The following ZNF236 variants were observed in gnomAD, a reference collection of about 807,000 sequenced individuals.
ZNF236 encodes zinc finger protein 236.
ZNF236 carries 50 observed loss-of-function variants against 191.2 expected under a neutral mutation model. That is an observed-to-expected ratio of 0.26 (90% confidence interval 0.21 to 0.33). ZNF236 has a LOEUF of 0.33. ZNF236 is among the 10% of genes least tolerant of loss of function. The probability of loss-of-function intolerance (pLI) is 1.00; values close to 1 mark genes in which losing one functional copy is unlikely to be tolerated. For missense variants in ZNF236, 1,754 were observed against 2,374.5 expected, an observed-to-expected ratio of 0.74 and a Z score of 5.43; for synonymous variants, 907 against 928.8, an observed-to-expected ratio of 0.98 and a Z score of 0.43.
intron 1 of ZNF236, among the ~76,000 whole-genome samples, chr18:76,830,093 TCTC>T (rs1975125255): frequency 6.6e-6 from 1 of 151,922 alleles, no homozygotes; most frequent in South Asian, 2.1e-4. Context: ...CTGGTCTTGA[TCTC>T]CTGACCTTGT....
chr18:76,849,231 G>C (rs768228605), intron 1 of ZNF236: 5 of 266,870 alleles, frequency 1.9e-5, no homozygotes, highest in Non-Finnish European at 3.5e-5. Context: ...TATGGCTTTT[G>C]TGTGTTTTGG....
chr18:76,850,851 G>C (rs112356160), intron 2 of ZNF236, among the ~76,000 whole-genome samples: 6,786 of 151,780 alleles, frequency 0.045, 454 homozygotes, highest in African/African-American at 0.15. Context: ...TGATCCGCCT[G>C]CCTCAGCCTC....
intron 3 of ZNF236, among the ~76,000 whole-genome samples, chr18:76,860,873 T>C (rs560380828): frequency 2.0e-5 from 3 of 152,318 alleles, no homozygotes; most frequent in African/African-American, 7.2e-5. Context: ...CAGCAGGCTG[T>C]CTTTGATTAA....
At chr18:76,849,833 C>T (rs1413277977) in intron 2 of ZNF236, among the ~76,000 whole-genome samples, 165 bp downstream of exon 2, 1 of 152,088 alleles carries the variant, frequency 6.6e-6, no homozygotes, top group African/African-American at 2.4e-5. Context: ...TAGTTGTATT[C>T]CTAGCTATTA....
chr18:76,882,259 A>T (rs1039240645), intron 9 of ZNF236, among the ~76,000 whole-genome samples: 15 of 152,276 alleles, frequency 9.9e-5, no homozygotes, highest in Non-Finnish European at 2.2e-4. Flanking sequence ...GTGCTCCGTC[A>T]TTCAAGCATC....
At chr18:76,891,742 G>A (rs1382564320) in intron 9 of ZNF236, among the ~76,000 whole-genome samples, 1 of 151,032 alleles carries the variant, frequency 6.6e-6, no homozygotes, top group Non-Finnish European at 1.5e-5. Context: ...CCACCCAGAT[G>A]TGCAAACATC....
chr18:76,847,617 C>A (rs1430540685), intron 1 of ZNF236, among the ~76,000 whole-genome samples: 1 of 152,162 alleles, frequency 6.6e-6, no homozygotes, highest in Admixed American at 6.5e-5. Flanking sequence ...AGGCGCCCAC[C>A]ACCACGCCCG....
rs1368065135 is a variant in ZNF236, at chr18:76,925,540, C to G, written c.4013C>G (p.Pro1338Arg). ...QPGLVGQAIL[P>R]ASVSAGGDLT... is the part of the protein sequence containing the mutation. The stretch of plus-strand genomic sequence containing the variant: ...GGACTGGTGGGCCAAGCTATTCTCC[C>G]TGCCTCTGTGTCAGGTAAACGCTGA... The change falls in exon 22 of 31, where the codon CCT becomes CGT. Residue 1338 changes from proline to arginine, a missense_variant. Pro to Arg is a moderately radical substitution (Grantham distance 103). Coordinates refer to ENST00000320610, the MANE Select transcript of ZNF236 (RefSeq NM_001306089.2). This position sits in a 1 kb window ranked among gnomAD's most constrained non-coding sequence, Gnocchi z 5.7. 6.2e-7 allele frequency: 1 copy of G among 1,612,886 alleles called. No individual in the cohort carries two copies.
chr18:76,893,592 C>G (rs917884966), intron 9 of ZNF236, among the ~76,000 whole-genome samples: 1 of 152,196 alleles, frequency 6.6e-6, no homozygotes, highest in Admixed American at 6.5e-5. Context: ...ACTGCAACTC[C>G]TATGTCCTGG....
At chr18:76,966,781 T>C (rs1047069443) in intron 30 of ZNF236, among the ~76,000 whole-genome samples, 1 of 152,228 alleles carries the variant, frequency 6.6e-6, no homozygotes, top group African/African-American at 2.4e-5. Context: ...CTGTCCCTTG[T>C]TCACCTTTGT....
chr18:76,832,152 T>C (rs867332948), intron 1 of ZNF236, among the ~76,000 whole-genome samples: 27 of 152,228 alleles, frequency 1.8e-4, no homozygotes, highest in African/African-American at 5.5e-4. Context: ...TGATCTTGGC[T>C]CACTGCAACA....
At chr18:76,929,699 C>A (rs140421905) in intron 25 of ZNF236, among the ~76,000 whole-genome samples, 2,078 of 152,270 alleles carry the variant, frequency 0.014, 17 homozygotes, top group Non-Finnish European at 0.022. Flanking sequence ...CAACTTTGGG[C>A]TTCAGATTGT....
intron 1 of ZNF236, chr18:76,834,340 CTCTT>C (rs1383848393): frequency 5.8e-6 from 1 of 173,416 alleles, no homozygotes; most frequent in East Asian, 1.4e-4. Flanking sequence ...CTAGTTTCTT[CTCTT>C]TATCATTTTC....
chr18:76,840,260 C>T (rs140526783), intron 1 of ZNF236, among the ~76,000 whole-genome samples: 2,408 of 152,228 alleles, frequency 0.016, 30 homozygotes, highest in Non-Finnish European at 0.019. Flanking sequence ...TTTGGGAGGC[C>T]GAGGCGGATG....
chr18:76,823,178 A>G (rs1252223141), intron 1 of ZNF236, among the ~76,000 whole-genome samples: 1 of 151,894 alleles, frequency 6.6e-6, no homozygotes, highest in Non-Finnish European at 1.5e-5. Flanking sequence ...CTCGGCCCAC[A>G]GGGAGGCCGT....
intron 25 of ZNF236, among the ~76,000 whole-genome samples, chr18:76,930,412 C>T (rs1279028129): frequency 6.6e-6 from 1 of 152,144 alleles, no homozygotes; most frequent in African/African-American, 2.4e-5. Context: ...CAAGTTTTTC[C>T]AAGGCATTCA....
chr18:76,826,803 A>G (rs138561055), intron 1 of ZNF236, among the ~76,000 whole-genome samples: 2 of 151,750 alleles, frequency 1.3e-5, no homozygotes, highest in Non-Finnish European at 2.9e-5. Context: ...CAGTCTCAAA[A>G]AAAAAAAAAA....
chr18:76,913,206 CATT>C (rs1967264649), intron 17 of ZNF236, among the ~76,000 whole-genome samples: 1 of 152,124 alleles, frequency 6.6e-6, no homozygotes, highest in African/African-American at 2.4e-5. Context: ...CTTAAGATAA[CATT>C]AGTCTATTCA....
chr18:76,880,192 C>T lies in ZNF236; in HGVS notation c.1064C>T (p.Ala355Val), dbSNP rs778979549. Residue 355 changes from alanine (A) to valine (V), a missense_variant, in exon 8 of 31, where the codon GCG becomes GTG. Around this residue, in one of 5 missense-constraint regions of ZNF236, gnomAD observed 336 missense variants for 495.1 expected, o/e 0.68. Transcript: ENST00000320610. This position sits in a 1 kb window ranked among gnomAD's most constrained non-coding sequence, Gnocchi z 5.0. ...TSASSQPSSQ[A>V]VSDVIQQLLE... ...GCCTCAAGCCAGCCGAGCTCCCAGG[C>T]GGTGAGCGACGTCATCCAGCAGCTC... is the stretch of plus-strand genomic sequence containing the variant. 10 of 1,614,160 alleles carry T rather than the reference C, an allele frequency of 6.2e-6. No individual in the cohort carries two copies. The highest frequency in any genetic ancestry group is 4.4e-5 in the South Asian group (4 of 91,084).
Sources: gnomAD v4.1 joint callset for allele counts (sites outside exome capture counted in the v4.1 genomes callset) on GRCh38, gnomAD v4.1.1 for gene constraint, gnomAD v4.1.1 regional missense constraint, Gnocchi (gnomAD v3.1) non-coding constraint, MANE v1.5 for transcripts, NCBI Gene and HGNC (gene_info 2026-07-23, HGNC 2026-07-21) for gene names.